The following USP45 variants were observed in gnomAD, a reference collection of about 807,000 sequenced individuals.
The protein encoded by USP45 is ubiquitin specific peptidase 45.
Under a neutral mutation model 95.8 loss-of-function variants are expected in USP45, and 89 were observed. The observed-to-expected ratio is 0.93, with a 90% CI of 0.78 to 1.11. USP45 has a LOEUF of 1.11. USP45 is among the 50% of genes least tolerant of loss of function. The pLI, the probability that USP45 is intolerant of heterozygous loss-of-function variation, is 0.00. For synonymous variants in USP45, 281 were observed against 316.2 expected (o/e 0.89, Z 1.18); for missense variants, 898 against 942.5 (o/e 0.95, Z 0.62).
intron 5 of USP45, among the ~76,000 whole-genome samples, chr6:99,489,934 G>C (rs1794801499): frequency 1.3e-5 from 2 of 152,138 alleles, no homozygotes. Flanking sequence ...CTGGGTGACA[G>C]AGTGAGACTC....
intron 5 of USP45, chr6:99,501,959 G>A (rs1206713992): frequency 7.7e-7 from 1 of 1,301,764 alleles, no homozygotes; most frequent in Non-Finnish European, 1.0e-6. Context: ...GACTCACTGT[G>A]GGCCCCTAGA....
chr6:99,503,216 A>G (rs1016023170), intron 5 of USP45, among the ~76,000 whole-genome samples: 3 of 152,188 alleles, frequency 2.0e-5, no homozygotes, highest in African/African-American at 7.2e-5. Context: ...ATTCAAACTT[A>G]TCAGGACTGA....
chr6:99,510,364 G>T, intron 1 of USP45, 134 bp from the exon 2 acceptor site: 1 of 614,102 alleles, frequency 1.6e-6, no homozygotes, highest in Non-Finnish European at 2.8e-6. Context: ...GGAAGAAGAG[G>T]GGAACATCAC....
In USP45 at chr6:99,448,123, A is replaced by T. The variant is rs534822271; in HGVS notation, c.1309-1660T>A. Among the ~76,000 whole-genome samples the T allele has an allele frequency of 2.0e-5, 3 of 152,202 alleles. No homozygotes were observed. In the South Asian group the frequency reaches 6.2e-4, roughly 31 times the overall value. ...GAGCAGAAAAGCTGAAAATTCTAAA[A>T]ATCAGAGCGCCTCTCCCCTTCCAAA... On this transcript the variant is annotated intron_variant, in intron 13 of 17. Coordinates refer to ENST00000500704, the MANE Select transcript of USP45 (RefSeq NM_001346022.3).
intron 13 of USP45, chr6:99,462,601 T>A: frequency 1.0e-6 from 1 of 985,406 alleles, no homozygotes; most frequent in Non-Finnish European, 1.2e-6. Flanking sequence ...ATATATCTTA[T>A]GAAGCAAAAT....
rs1447466677 is a variant in USP45 at position 99,433,462 on chromosome 6, AAAT to A, written c.*2251_*2253del. The A allele has an allele frequency of 1.3e-5, 2 of 152,704 alleles. No homozygotes were observed. Among genetic ancestry groups the A allele is most frequent in the East Asian group, 3.9e-4 (2 of 5,182 alleles). 9.5% of individuals were successfully genotyped at this position (152,704 alleles called of 1,614,324 possible). ...TACTATCCCTGCAAATGTGCTTTGG[AAAT>A]AATAACAAAAATTTTAAGGTAGACC... On this transcript the variant is annotated 3_prime_UTR_variant, in exon 18 of 18. Transcript: ENST00000500704.
At chr6:99,437,108 CAATCAATCAATT>C in intron 17 of USP45, 126 bp downstream of exon 17, 10 of 945,406 alleles carry the variant, frequency 1.1e-5, no homozygotes, top group Non-Finnish European at 1.4e-5. Flanking sequence ...ATCAATCAAT[CAATCAATCAATT>C]AAGTTAAAAT....
At chr6:99,505,129 G>A (rs1000452997) in intron 4 of USP45, among the ~76,000 whole-genome samples, 10 of 152,158 alleles carry the variant, frequency 6.6e-5, no homozygotes, top group African/African-American at 2.4e-4. Context: ...ATAGAGATAG[G>A]TAAGACTCAA....
At chr6:99,488,380 C>A in intron 6 of USP45, 85 bp from the exon 7 acceptor site, 1 of 889,710 alleles carries the variant, frequency 1.1e-6, no homozygotes, top group South Asian at 1.7e-5. Context: ...TTTCATCTAG[C>A]ATAGCAAAAG....
At chr6:99,471,010 C>A (rs1026866010) in intron 9 of USP45, among the ~76,000 whole-genome samples, 2 of 151,988 alleles carry the variant, frequency 1.3e-5, no homozygotes, top group Admixed American at 6.6e-5. Context: ...TCAAAAGAAG[C>A]TAAGAAGTTA....
chr6:99,472,427 G>C (rs546079374), intron 9 of USP45, among the ~76,000 whole-genome samples: 1 of 152,104 alleles, frequency 6.6e-6, no homozygotes, highest in South Asian at 2.1e-4. Flanking sequence ...TGTTGGCCAA[G>C]CTGGTCTCGA....
intron 13 of USP45, among the ~76,000 whole-genome samples, chr6:99,447,717 T>A (rs1184951992): frequency 6.6e-6 from 1 of 152,024 alleles, no homozygotes; most frequent in African/African-American, 2.4e-5. Flanking sequence ...CAGCACAGAG[T>A]TTGAGATCTG....
chr6:99,452,280 T>A (rs569746248), intron 13 of USP45, among the ~76,000 whole-genome samples: 5 of 152,270 alleles, frequency 3.3e-5, no homozygotes, highest in African/African-American at 1.2e-4. Context: ...AACCTACTCA[T>A]GTGACAAAGG....
chr6:99,436,926 C>G (rs1780592239), intron 17 of USP45, among the ~76,000 whole-genome samples: 2 of 152,126 alleles, frequency 1.3e-5, no homozygotes, highest in South Asian at 4.1e-4. Flanking sequence ...ACGGCGAAAC[C>G]CCGTCTCTAC....
intron 3 of USP45, 128 bp from the exon 4 acceptor site, chr6:99,507,659 T>C (rs1798830744): frequency 1.6e-6 from 1 of 614,048 alleles, no homozygotes; most frequent in Non-Finnish European, 2.8e-6. Flanking sequence ...GGAGAAAGTT[T>C]CAAAAAAGTA....
intron 12 of USP45, 156 bp downstream of exon 12, chr6:99,464,924 A>C: frequency 1.1e-6 from 1 of 948,674 alleles, no homozygotes; most frequent in South Asian, 2.2e-5. Flanking sequence ...ATGCATACTT[A>C]CACAAACCCC....
At chr6:99,445,303 T>A (rs1039927320) in intron 14 of USP45, among the ~76,000 whole-genome samples, 5 of 151,998 alleles carry the variant, frequency 3.3e-5, no homozygotes, top group South Asian at 2.1e-4. Context: ...GCCAAGATGG[T>A]GAAACCCCAT....
intron 9 of USP45, among the ~76,000 whole-genome samples, chr6:99,475,716 T>C (rs916075720): frequency 2.6e-5 from 4 of 152,204 alleles, no homozygotes; most frequent in Non-Finnish European, 5.9e-5. Flanking sequence ...AAGGTAAATA[T>C]CTTACAGAAG....
rs1791055145 is a variant in USP45, at chr6:99,477,090, A to G, written c.846-860T>C. ...AGAAATAATTCTGTCAAAATACAAAATAATTAGAATATATTATAGTAGAAG... is the reference window on the plus strand; with the variant it reads ...AGAAATAATTCTGTCAAAATACAAAGTAATTAGAATATATTATAGTAGAAG... On this transcript the variant is annotated intron_variant, in intron 8 of 17. Coordinates refer to ENST00000500704, the MANE Select transcript of USP45 (RefSeq NM_001346022.3). Among the ~76,000 whole-genome samples, 3 of 152,224 alleles carry G rather than the reference A, an allele frequency of 2.0e-5. No homozygotes were observed. The South Asian group carries it at 6.2e-4, about 31-fold the overall frequency.
Sources: gnomAD v4.1 joint callset for allele counts (sites outside exome capture counted in the v4.1 genomes callset) on GRCh38, gnomAD v4.1.1 for gene constraint, MANE v1.5 for transcripts, NCBI Gene and HGNC (gene_info 2026-07-23, HGNC 2026-07-21) for gene names.